Variants in TPP2 observed in about 807,000 individuals in gnomAD.
TPP2 encodes tripeptidyl peptidase 2.
In TPP2, 34 loss-of-function variants were observed where a neutral mutation model predicts 155.9. The ratio of observed to expected loss-of-function variants is 0.22; its 90% CI spans 0.17 to 0.29. The LOEUF is 0.29. Ranked by LOEUF, TPP2 falls within the 10% of genes least tolerant of loss-of-function variation. The pLI, the probability that TPP2 is intolerant of heterozygous loss-of-function variation, is 1.00. For synonymous variants in TPP2, 510 were observed against 529.4 expected, an observed-to-expected ratio of 0.96 and a Z score of 0.50; for missense variants, 1,028 against 1,522.3, an observed-to-expected ratio of 0.68 and a Z score of 5.40.
chr13:102,606,375 G>A (rs1248714898), intron 2 of TPP2, among the ~76,000 whole-genome samples: 4 of 152,176 alleles, frequency 2.6e-5, no homozygotes, highest in African/African-American at 7.2e-5. Context: ...TGATTCCATG[G>A]GGTAGGAGTC....
chr13:102,628,694 T>A (rs1489336006), intron 8 of TPP2, among the ~76,000 whole-genome samples: 1 of 152,152 alleles, frequency 6.6e-6, no homozygotes, highest in Non-Finnish European at 1.5e-5. Flanking sequence ...CTCTCCCCCA[T>A]TCCCATCACC....
intron 4 of TPP2, among the ~76,000 whole-genome samples, chr13:102,618,499 G>C (rs112924839): frequency 2.6e-5 from 4 of 152,300 alleles, no homozygotes; most frequent in African/African-American, 9.6e-5. Context: ...ATGAGATTGA[G>C]TAAAATAACT....
intron 1 of TPP2, among the ~76,000 whole-genome samples, chr13:102,604,160 TG>T (rs1222788515): frequency 6.6e-6 from 1 of 152,158 alleles, no homozygotes; most frequent in African/African-American, 2.4e-5. Context: ...GGTGCTAGTG[TG>T]GCATCCAATA....
Position 102,644,900 on chromosome 13 carries a change from C to T in TPP2, c.2293-9C>T, listed in dbSNP as rs777126252. ...AGTTTGAGAAAGTAATTTGAGAAAT[C>T]CTTTGTAGCATGCATCGGAAGGAAT... On this transcript the variant is annotated splice_polypyrimidine_tract_variant and intron_variant, in intron 18 of 29. Coordinates refer to ENST00000376052, the MANE Select transcript of TPP2 (RefSeq NM_001330588.2). 13 of 1,612,032 alleles carry T rather than the reference C, an allele frequency of 8.1e-6. No individual in the cohort carries two copies. In the Admixed American group the frequency reaches 1.8e-4, roughly 23 times the overall value.
At chr13:102,647,638 C>A (rs1289795259) in intron 21 of TPP2, among the ~76,000 whole-genome samples, 1 of 152,166 alleles carries the variant, frequency 6.6e-6, no homozygotes, top group Non-Finnish European at 1.5e-5. Flanking sequence ...TACACTGATT[C>A]TACCTATCTG....
chr13:102,645,129 A>T (rs1455419947), intron 19 of TPP2, 120 bp downstream of exon 19: 1 of 926,388 alleles, frequency 1.1e-6, no homozygotes, highest in Non-Finnish European at 1.6e-6. Context: ...TGAGAATTTT[A>T]TCCTTGCCAG....
At chr13:102,605,057 T>G in intron 2 of TPP2, 136 bp downstream of exon 2, 2 of 1,350,746 alleles carry the variant, frequency 1.5e-6, no homozygotes, top group Non-Finnish European at 2.0e-6. Context: ...ACATCCTGGT[T>G]TAAAATGACA....
At chr13:102,635,024 G>C (rs1018205137) in intron 11 of TPP2, among the ~76,000 whole-genome samples, 6 of 152,132 alleles carry the variant, frequency 3.9e-5, no homozygotes, top group African/African-American at 1.4e-4. Context: ...GAATGATACA[G>C]CACTCATCTT....
At chr13:102,599,198 T>G (rs904436362) in intron 1 of TPP2, among the ~76,000 whole-genome samples, 1 of 152,230 alleles carries the variant, frequency 6.6e-6, no homozygotes, top group African/African-American at 2.4e-5. Flanking sequence ...AAGTTTATGC[T>G]GGATCTTTCA....
chr13:102,604,577 T>G (rs1284184829), intron 1 of TPP2, among the ~76,000 whole-genome samples: 1 of 152,266 alleles, frequency 6.6e-6, no homozygotes, highest in Non-Finnish European at 1.5e-5. Context: ...TATTTGTTTA[T>G]TGAATATATG....
Position 102,663,734 on chromosome 13 carries a change from A to G in TPP2, c.3230A>G (p.Asp1077Gly). 2 of 1,599,560 alleles carry G rather than the reference A, an allele frequency of 1.3e-6. No homozygotes were observed. The highest frequency in any genetic ancestry group is 1.1e-5 in the South Asian group (1 of 87,312). ...PLYVARLHQLDAEKERMKRLN... is the reference protein window; with the variant it reads ...PLYVARLHQLGAEKERMKRLN... ...TACGTTGCACGACTTCATCAATTGG[A>G]TGCTGAAAAGGTTAGACATGTTCAT... is the stretch of plus-strand genomic sequence containing the variant. Residue 1077 changes from aspartate to glycine, a missense_variant, in exon 26 of 30, where the codon GAT (aspartate) becomes GGT (glycine). Around this residue, in one of 7 missense-constraint regions of TPP2, gnomAD observed 179 missense variants for 274.7 expected, o/e 0.65. Transcript: ENST00000376052.
chr13:102,658,118 T>C (rs576227479), intron 25 of TPP2, among the ~76,000 whole-genome samples: 38 of 152,228 alleles, frequency 2.5e-4, no homozygotes, highest in Admixed American at 1.2e-3. Flanking sequence ...ACTCTTTGAC[T>C]TTGGGCTTGC....
chr13:102,612,118 A>G (rs1044537618), intron 2 of TPP2, among the ~76,000 whole-genome samples: 45 of 152,298 alleles, frequency 3.0e-4, no homozygotes, highest in African/African-American at 1.1e-3. Context: ...TTGGTTTTTA[A>G]AAAAAATAAA....
chr13:102,628,048 CTG>C, intron 8 of TPP2, 124 bp downstream of exon 8: 7 of 767,012 alleles, frequency 9.1e-6, no homozygotes, highest in South Asian at 1.8e-5. Flanking sequence ...TAGATGATAA[CTG>C]TGTTCAAGAG....
chr13:102,611,739 A>C (rs544186670), intron 2 of TPP2, among the ~76,000 whole-genome samples: 1 of 152,258 alleles, frequency 6.6e-6, no homozygotes, highest in African/African-American at 2.4e-5. Flanking sequence ...ATATTCTCCT[A>C]TATTTCTAAG....
In TPP2 at chr13:102,597,381, C is replaced by T. The variant is rs533121649; in HGVS notation, c.165+178C>T. On this transcript the variant is annotated intron_variant, in intron 1 of 29. Coordinates refer to ENST00000376052, the MANE Select transcript of TPP2 (RefSeq NM_001330588.2). ...AGGCGCGGGAGGGACGGGCGCCCGC[C>T]AAGGGGACTCAACGGCGCACAGTGC... Among the ~76,000 whole-genome samples, 32 of 152,262 alleles carry T rather than the reference C, an allele frequency of 2.1e-4. No individual in the cohort carries two copies. The East Asian group carries it at 2.3e-3, about 11-fold the overall frequency.
intron 25 of TPP2, among the ~76,000 whole-genome samples, chr13:102,661,121 A>G (rs944726282): frequency 6.6e-6 from 1 of 152,132 alleles, no homozygotes. Flanking sequence ...AAAATAGATA[A>G]TTTGGACTTA....
At chr13:102,639,270 T>C (rs1330101093) in intron 15 of TPP2, among the ~76,000 whole-genome samples, 2 of 152,216 alleles carry the variant, frequency 1.3e-5, no homozygotes, top group East Asian at 3.8e-4. Flanking sequence ...GTGAGAGTAC[T>C]GGAAACCAAG....
chr13:102,627,827 G>A (rs749849729), intron 7 of TPP2, 21 bp from the exon 8 acceptor site: 2 of 1,578,840 alleles, frequency 1.3e-6, no homozygotes, highest in East Asian at 2.2e-5. Context: ...GCCTAAACTA[G>A]AGTCTTAATC....
Sources: allele counts gnomAD v4.1 joint callset (sites outside exome capture counted in the v4.1 genomes callset), GRCh38; gene constraint gnomAD v4.1.1; regional missense constraint gnomAD v4.1.1; transcripts MANE v1.5; gene names NCBI Gene and HGNC (gene_info 2026-07-23, HGNC 2026-07-21).